Variants in SHB observed in about 807,000 individuals in gnomAD.
SHB encodes the protein SH2 domain-containing adapter protein B.
In SHB, 20 loss-of-function variants were observed where a neutral mutation model predicts 52.3. That is an observed-to-expected ratio of 0.38 (90% CI 0.27 to 0.56). The LOEUF is 0.56. SHB is among the 20% of genes least tolerant of loss of function. The pLI, the probability that SHB is intolerant of heterozygous loss-of-function variation, is 0.71. For synonymous variants in SHB, 397 were observed against 316.5 expected (o/e 1.25, Z -2.70); for missense variants, 825 against 723.3 (o/e 1.14, Z -1.61).
intron 2 of SHB, among the ~76,000 whole-genome samples, chr9:38,009,183 C>T (rs1002691775): frequency 6.6e-6 from 1 of 152,304 alleles, no homozygotes; most frequent in Middle Eastern, 3.4e-3. Flanking sequence ...AGAACAGGAG[C>T]CCTAGGAAGG....
At chr9:38,064,757 T>C (rs953765175) in intron 1 of SHB, among the ~76,000 whole-genome samples, 2 of 152,210 alleles carry the variant, frequency 1.3e-5, no homozygotes, top group Non-Finnish European at 2.9e-5. Context: ...CATCTCTGAG[T>C]ACAAAGTAAA....
At chr9:38,015,336 T>C (rs1821196004) in intron 2 of SHB, 1 of 689,838 alleles carries the variant, frequency 1.4e-6, no homozygotes, top group Non-Finnish European at 2.6e-6. Context: ...AAGTCTTGTA[T>C]TATCCTGGCT....
rs752198341 is a variant in SHB at position 38,068,425 on chromosome 9, C to G, written c.221G>C (p.Ser74Thr). Residue 74 changes from serine to threonine, a missense_variant, in exon 1 of 6, where the codon AGC becomes ACC. By Grantham distance (58) the Ser-to-Thr change is moderately conservative (BLOSUM62 1). Transcript: ENST00000377707. Reference sequence around the variant, plus strand: ...GCGGATGAGGTCGCTGGTGCTGCCGCTGTCGTCGGGCAGCGAGCCCGAAGA... The same window carrying G: ...GCGGATGAGGTCGCTGGTGCTGCCGGTGTCGTCGGGCAGCGAGCCCGAAGA... ...SASSGSLPDDSGSTSDLIRAY... is the reference protein window; with the variant it reads ...SASSGSLPDDTGSTSDLIRAY... The G allele has an allele frequency of 6.4e-7, 1 of 1,562,804 alleles. No individual in the cohort carries two copies. Among genetic ancestry groups the G allele is most frequent in the Non-Finnish European group, 8.6e-7 (1 of 1,158,522 alleles).
chr9:38,020,823 G>T (rs941491645), intron 1 of SHB, among the ~76,000 whole-genome samples: 8 of 152,314 alleles, frequency 5.3e-5, no homozygotes, highest in African/African-American at 1.4e-4. Flanking sequence ...GACGGGGTGG[G>T]GGGGTGGCCC....
intron 5 of SHB, among the ~76,000 whole-genome samples, chr9:37,947,253 C>G (rs1428917445): frequency 1.3e-5 from 2 of 152,220 alleles, no homozygotes; most frequent in Non-Finnish European, 1.5e-5. Context: ...TAGAAGTTCC[C>G]TCTGCATCCT....
intron 4 of SHB, among the ~76,000 whole-genome samples, chr9:37,949,694 A>C (rs561668845): frequency 1.3e-5 from 2 of 152,138 alleles, no homozygotes; most frequent in Non-Finnish European, 2.9e-5. Flanking sequence ...GAGGGTGCTG[A>C]TGGGAGGGCC....
At chr9:37,963,996 G>C (rs931693380) in intron 3 of SHB, among the ~76,000 whole-genome samples, 1 of 152,174 alleles carries the variant, frequency 6.6e-6, no homozygotes, top group African/African-American at 2.4e-5. Flanking sequence ...AGAGAGGTGA[G>C]GCCCCTTCTT....
chr9:37,948,527 G>GC, intron 5 of SHB, 108 bp downstream of exon 5: 3 of 1,362,750 alleles, frequency 2.2e-6, no homozygotes, highest in Non-Finnish European at 3.1e-6. Context: ...ACGTGTGCTG[G>GC]CAAGTTTCCC....
chr9:37,956,080 G>A (rs751297333), intron 3 of SHB, 26 bp from the exon 4 acceptor site: 3 of 1,549,330 alleles, frequency 1.9e-6, no homozygotes, highest in Admixed American at 2.0e-5. Context: ...GAAAGTGCAG[G>A]GTTAGCAGAG....
intron 1 of SHB, among the ~76,000 whole-genome samples, chr9:38,053,122 G>A (rs1454807433): frequency 6.6e-6 from 1 of 152,124 alleles, no homozygotes; most frequent in Non-Finnish European, 1.5e-5. Context: ...CCTTGCATCT[G>A]TGTAACATAG....
chr9:38,027,983 C>T (rs1446508542), intron 1 of SHB, among the ~76,000 whole-genome samples: 1 of 152,070 alleles, frequency 6.6e-6, no homozygotes, highest in Non-Finnish European at 1.5e-5. Context: ...GGGCTCCCAT[C>T]TGCTTGGCTC....
At chr9:37,922,032 C>T (rs140269829) in intron 5 of SHB, among the ~76,000 whole-genome samples, 163 of 152,296 alleles carry the variant, frequency 1.1e-3, no homozygotes, top group African/African-American at 3.8e-3. Flanking sequence ...AGGGTATGAC[C>T]CTGGGCACAT....
At chr9:37,965,485 G>T (rs1475194851) in intron 3 of SHB, among the ~76,000 whole-genome samples, 1 of 152,202 alleles carries the variant, frequency 6.6e-6, no homozygotes, top group Non-Finnish European at 1.5e-5. Flanking sequence ...CACACCGACT[G>T]TGTGTGGGCA....
At chr9:37,960,816 T>C (rs1832685334) in intron 3 of SHB, among the ~76,000 whole-genome samples, 1 of 151,790 alleles carries the variant, frequency 6.6e-6, no homozygotes. Context: ...ACGTGGGTAA[T>C]GGGTGAGGAA....
intron 3 of SHB, among the ~76,000 whole-genome samples, chr9:37,959,982 T>C (rs1832676876): frequency 6.6e-6 from 1 of 152,170 alleles, no homozygotes; most frequent in African/African-American, 2.4e-5. Context: ...TGTTTAGCTT[T>C]ATTGGGAAAA....
At chr9:38,005,141 GGGCTGTGAC>G (rs1036822955) in intron 2 of SHB, among the ~76,000 whole-genome samples, 2 of 152,202 alleles carry the variant, frequency 1.3e-5, no homozygotes. Context: ...GACATGGTGA[GGGCTGTGAC>G]GGCATATGGA....
chr9:37,976,702 G>A (rs1000491374), intron 2 of SHB, among the ~76,000 whole-genome samples: 7 of 152,204 alleles, frequency 4.6e-5, no homozygotes, highest in African/African-American at 1.7e-4. Flanking sequence ...GGTCCAAGGA[G>A]GTGAGGGAGC....
chr9:38,047,837 A>G (rs1447419215), intron 1 of SHB, among the ~76,000 whole-genome samples: 1 of 152,206 alleles, frequency 6.6e-6, no homozygotes, highest in African/African-American at 2.4e-5. Context: ...CTGACTATGC[A>G]GTTCCCGCAC....
intron 2 of SHB, among the ~76,000 whole-genome samples, chr9:38,011,616 G>A (rs1014985831): frequency 6.6e-6 from 1 of 152,128 alleles, no homozygotes; most frequent in African/African-American, 2.4e-5. Flanking sequence ...CTCAGAAGTC[G>A]CTTGAGCCAG....
Sources: gnomAD v4.1 joint callset for allele counts (sites outside exome capture counted in the v4.1 genomes callset) on GRCh38, gnomAD v4.1.1 for gene constraint, MANE v1.5 for transcripts, NCBI Gene and HGNC (gene_info 2026-07-23, HGNC 2026-07-21) for gene names.